The following COP1 variants were observed in gnomAD, a reference collection of about 807,000 sequenced individuals.
COP1 encodes COP1 E3 ubiquitin ligase.
A neutral mutation model predicts 101.3 loss-of-function variants in COP1; 24 were observed. The observed-to-expected ratio is 0.24, with a 90% CI of 0.17 to 0.33. The LOEUF (loss-of-function observed/expected upper bound fraction) is 0.33. Among genes scored for constraint, COP1 ranks in the 10% least tolerant of loss-of-function variants. The pLI, the probability that COP1 is intolerant of heterozygous loss-of-function variation, is 1.00. For missense variants in COP1, 663 were observed against 906.2 expected, an observed-to-expected ratio of 0.73 and a Z score of 3.45; for synonymous variants, 347 against 341.9, an observed-to-expected ratio of 1.01 and a Z score of -0.17.
chr1:176,081,854 CAAAA>C (rs1207985226), intron 10 of COP1, among the ~76,000 whole-genome samples: 1 of 151,804 alleles, frequency 6.6e-6, no homozygotes, highest in African/African-American at 2.4e-5. Context: ...AAAAAACAAA[CAAAA>C]AAAGTTTGAA....
chr1:175,969,856 G>A lies in COP1; in HGVS notation c.2133+17087C>T, dbSNP rs903541205. Among the ~76,000 whole-genome samples the A allele has an allele frequency of 3.9e-5, 6 of 152,054 alleles. 1 individual carries two copies. The highest frequency in any genetic ancestry group is 7.4e-5 in the Non-Finnish European group (5 of 68,006). On this transcript the variant is annotated intron_variant, in intron 18 of 19. Transcript: ENST00000367669. The stretch of plus-strand genomic sequence containing the variant: ...ACCTTAATTTCTTTACAGTTAAAGG[G>A]TAGTTATCTCAAGCAATGATAGTAC...
chr1:176,052,421 G>A (rs1348142508), intron 11 of COP1, among the ~76,000 whole-genome samples: 2 of 152,108 alleles, frequency 1.3e-5, no homozygotes, highest in Non-Finnish European at 1.5e-5. Flanking sequence ...TACTGAAACA[G>A]CCTCCTTATC....
chr1:176,087,961 T>C (rs907840071), intron 9 of COP1, among the ~76,000 whole-genome samples: 1 of 152,206 alleles, frequency 6.6e-6, no homozygotes, highest in Non-Finnish European at 1.5e-5. Flanking sequence ...TGTAGCGACA[T>C]GGATGAAGCT....
intron 1 of COP1, among the ~76,000 whole-genome samples, chr1:176,201,466 T>C (rs998419744): frequency 1.3e-5 from 2 of 152,230 alleles, no homozygotes; most frequent in African/African-American, 4.8e-5. Context: ...ACAGTTACTT[T>C]AATCAGTAAC....
intron 9 of COP1, among the ~76,000 whole-genome samples, chr1:176,091,494 T>G (rs1261535357): frequency 2.0e-5 from 3 of 152,158 alleles, no homozygotes; most frequent in Non-Finnish European, 4.4e-5. Flanking sequence ...CTATTAATCG[T>G]CATATCTAGT....
At chr1:176,127,597 ATATATGTGTGTG>A (rs1688229440) in intron 8 of COP1, among the ~76,000 whole-genome samples, 1 of 47,070 alleles carries the variant, frequency 2.1e-5, no homozygotes, top group South Asian at 6.2e-4. Context: ...GTGTATGTGT[ATATATGTGTGTG>A]TGTGTATATA....
At chr1:176,153,317 A>T (rs1692913489) in intron 5 of COP1, among the ~76,000 whole-genome samples, 1 of 152,204 alleles carries the variant, frequency 6.6e-6, no homozygotes, top group Admixed American at 6.5e-5. Flanking sequence ...AATAAAAAAT[A>T]CTACAGTTTG....
intron 8 of COP1, among the ~76,000 whole-genome samples, chr1:176,133,187 CGTACGTATATG>C (rs1458553648): frequency 3.1e-5 from 4 of 130,188 alleles, no homozygotes. Context: ...TACGTATATA[CGTACGTATATG>C]TACGTATGTA....
intron 19 of COP1, among the ~76,000 whole-genome samples, chr1:175,945,604 T>G (rs1165147784): frequency 1.3e-5 from 2 of 152,268 alleles, no homozygotes; most frequent in Non-Finnish European, 2.9e-5. Context: ...TCTTGCTCTT[T>G]CCTGCTGCTT....
At chr1:176,105,134 G>A (rs1457719645) in intron 9 of COP1, among the ~76,000 whole-genome samples, 1 of 152,136 alleles carries the variant, frequency 6.6e-6, no homozygotes, top group Non-Finnish European at 1.5e-5. Flanking sequence ...CCTAAAGAAG[G>A]TAAGTAGAAA....
intron 8 of COP1, among the ~76,000 whole-genome samples, chr1:176,123,660 T>C (rs1008748192): frequency 6.6e-6 from 1 of 152,168 alleles, no homozygotes; most frequent in African/African-American, 2.4e-5. Flanking sequence ...ATCTGAGGTA[T>C]TTCAAAGACA....
intron 8 of COP1, among the ~76,000 whole-genome samples, chr1:176,121,652 T>G (rs1416120838): frequency 6.6e-6 from 1 of 152,150 alleles, no homozygotes; most frequent in Non-Finnish European, 1.5e-5. Flanking sequence ...TAGGACAGTA[T>G]TTCTAAAATA....
intron 9 of COP1, among the ~76,000 whole-genome samples, chr1:176,115,115 G>C (rs6673760): frequency 6.6e-6 from 1 of 151,986 alleles, no homozygotes; most frequent in Non-Finnish European, 1.5e-5. Context: ...TAGTATTTTC[G>C]TAATTTTTCT....
chr1:176,186,108 TG>T (rs1220540142), intron 1 of COP1, among the ~76,000 whole-genome samples: 1 of 151,916 alleles, frequency 6.6e-6, no homozygotes, highest in Non-Finnish European at 1.5e-5. Flanking sequence ...AACTGAGATT[TG>T]GGGGTCAGAG....
intron 3 of COP1, among the ~76,000 whole-genome samples, chr1:176,164,475 T>A (rs1043241126): frequency 6.6e-6 from 1 of 152,192 alleles, no homozygotes; most frequent in Admixed American, 6.5e-5. Flanking sequence ...TAGTCATTCA[T>A]GCCCTTGCCA....
Position 175,989,198 on chromosome 1 carries a change from C to T in COP1, c.1847+164G>A, listed in dbSNP as rs111302868. 548 of 471,444 alleles carry T rather than the reference C, an allele frequency of 1.2e-3. 4 individuals carry two copies. Among genetic ancestry groups the T allele is most frequent in the African/African-American group, 9.5e-3 (499 of 52,364 alleles). The allele number at this position is 471,444 out of a possible 1,614,324, so 29.2% of individuals were successfully genotyped here. On this transcript the variant is annotated intron_variant, in intron 16 of 19. Coordinates refer to ENST00000367669, the MANE Select transcript of COP1 (RefSeq NM_022457.7). ...AAAGTGCACAATACAGACCAGAAAC[C>T]ACACTACTTTAATTGGACAAGATTA...
chr1:176,200,421 T>A (rs1381440664), intron 1 of COP1, among the ~76,000 whole-genome samples: 1 of 152,152 alleles, frequency 6.6e-6, no homozygotes, highest in African/African-American at 2.4e-5. Flanking sequence ...TGCCCATCTG[T>A]GAATTAATAC....
Position 176,194,923 on chromosome 1 carries a change from TA to T in COP1, c.408-10232del, listed in dbSNP as rs35351772. On this transcript the variant is annotated intron_variant, in intron 1 of 19. Transcript: ENST00000367669. The stretch of plus-strand genomic sequence containing the variant: ...AGACCCTGTCTCTACAAAATAAAAT[TA>T]AAAAAAAAAAAAATCAACCAGATGT... Among the ~76,000 whole-genome samples, 519 of 143,814 alleles carry T rather than the reference TA, an allele frequency of 3.6e-3. 2 individuals carry two copies. The highest frequency in any genetic ancestry group is 9.9e-3 in the African/African-American group (386 of 38,874). 94.3% of individuals were successfully genotyped at this position (143,814 alleles called of 152,430 possible).
At chr1:176,067,740 C>T (rs778069470) in intron 11 of COP1, among the ~76,000 whole-genome samples, 39 of 152,176 alleles carry the variant, frequency 2.6e-4, no homozygotes, top group Admixed American at 5.9e-4. Context: ...GCTCTCTGAC[C>T]TTGTGATAAG....
Sources: allele counts gnomAD v4.1 joint callset (sites outside exome capture counted in the v4.1 genomes callset), GRCh38; gene constraint gnomAD v4.1.1; transcripts MANE v1.5; gene names NCBI Gene and HGNC (gene_info 2026-07-23, HGNC 2026-07-21).